The following CA10 variants were observed in gnomAD, a reference collection of about 807,000 sequenced individuals.
CA10 encodes carbonic anhydrase-related protein 10.
Under a neutral mutation model 44.2 loss-of-function variants are expected in CA10, and 14 were observed. That is an observed-to-expected ratio of 0.32 (90% CI 0.21 to 0.50). The LOEUF (loss-of-function observed/expected upper bound fraction) is 0.50, where lower values mean the gene tolerates loss of function less well. CA10 is among the 20% of genes least tolerant of loss of function. The pLI is 0.99. For missense variants in CA10, 350 were observed against 409.7 expected (o/e 0.85, Z 1.26); for synonymous variants, 159 against 141.6 (o/e 1.12, Z -0.87).
At chr17:51,963,613 T>C (rs189966207) in intron 2 of CA10, among the ~76,000 whole-genome samples, 76 of 152,292 alleles carry the variant, frequency 5.0e-4, no homozygotes, top group African/African-American at 1.7e-3. Context: ...GGTCTATTTT[T>C]AGCACTTTTA....
chr17:51,805,566 T>C (rs1273410637), intron 3 of CA10, among the ~76,000 whole-genome samples: 1 of 152,250 alleles, frequency 6.6e-6, no homozygotes, highest in Non-Finnish European at 1.5e-5. Flanking sequence ...AGGTCCAAGT[T>C]CTAGTATTTT....
chr17:51,721,880 G>A (rs921182492), intron 4 of CA10, among the ~76,000 whole-genome samples: 7 of 152,106 alleles, frequency 4.6e-5, no homozygotes, highest in South Asian at 2.1e-4. Context: ...GTTCCATGTC[G>A]CTGCTCCTGA....
intron 1 of CA10, among the ~76,000 whole-genome samples, chr17:52,123,393 T>TGTGTGTGA (rs1225624960): frequency 1.3e-5 from 2 of 151,516 alleles, no homozygotes; most frequent in Non-Finnish European, 2.9e-5. Context: ...TGTGTGTGTG[T>TGTGTGTGA]GTGACGTTTT....
At chr17:51,724,506 T>C (rs993158440) in intron 4 of CA10, among the ~76,000 whole-genome samples, 13 of 152,218 alleles carry the variant, frequency 8.5e-5, no homozygotes, top group Non-Finnish European at 2.9e-5. Context: ...TGAAAAGTTA[T>C]TCCTCACTCT....
intron 3 of CA10, among the ~76,000 whole-genome samples, chr17:51,863,924 T>C (rs1007808653): frequency 6.6e-6 from 1 of 152,214 alleles, no homozygotes; most frequent in Non-Finnish European, 1.5e-5. Flanking sequence ...TGAGGCTTAA[T>C]TGTGTCCACT....
At chr17:51,938,370 G>A (rs1298280628) in intron 2 of CA10, among the ~76,000 whole-genome samples, 2 of 152,086 alleles carry the variant, frequency 1.3e-5, no homozygotes, top group South Asian at 2.1e-4. Context: ...CCAGGCAGAA[G>A]GGTACAGGGA....
At chr17:51,955,875 C>T (rs557829537) in intron 2 of CA10, among the ~76,000 whole-genome samples, 1 of 151,768 alleles carries the variant, frequency 6.6e-6, no homozygotes, top group African/African-American at 2.4e-5. Flanking sequence ...ATACCTAATG[C>T]ATGCGGGGCT....
intron 3 of CA10, among the ~76,000 whole-genome samples, chr17:51,802,943 T>A (rs1339433798): frequency 6.6e-6 from 1 of 152,164 alleles, no homozygotes; most frequent in East Asian, 1.9e-4. Context: ...CTCGTTGACA[T>A]TAAGTGCGGA....
chr17:52,106,306 C>A (rs1444883815), intron 1 of CA10, among the ~76,000 whole-genome samples: 1 of 152,124 alleles, frequency 6.6e-6, no homozygotes, highest in African/African-American at 2.4e-5. Context: ...TAATCAAGAG[C>A]AGAACTGATT....
intron 5 of CA10, among the ~76,000 whole-genome samples, chr17:51,649,487 T>C (rs567272733): frequency 1.3e-5 from 2 of 152,170 alleles, no homozygotes; most frequent in Non-Finnish European, 2.9e-5. Context: ...AAGAGTGCTA[T>C]GATTGAGTCA....
chr17:52,112,656 A>C (rs1398058874), intron 1 of CA10, among the ~76,000 whole-genome samples: 1 of 152,212 alleles, frequency 6.6e-6, no homozygotes, highest in Non-Finnish European at 1.5e-5. Flanking sequence ...CTTAGGGTTG[A>C]TAGGAAGATT....
intron 2 of CA10, among the ~76,000 whole-genome samples, chr17:52,024,275 C>A (rs1048511781): frequency 1.3e-5 from 2 of 152,084 alleles, no homozygotes; most frequent in Admixed American, 1.3e-4. Flanking sequence ...ATAATCCTAG[C>A]CATAGACTGA....
chr17:51,890,702 G>A (rs757698756), intron 3 of CA10, among the ~76,000 whole-genome samples: 9 of 152,124 alleles, frequency 5.9e-5, no homozygotes, highest in South Asian at 2.1e-4. Flanking sequence ...TTTCAAACCC[G>A]TAAAAAATAT....
chr17:51,947,507 C>T (rs2144027632), intron 2 of CA10, among the ~76,000 whole-genome samples: 1 of 152,238 alleles, frequency 6.6e-6, no homozygotes, highest in East Asian at 1.9e-4. Context: ...AATTATTCTC[C>T]CAGCAAACAG....
chr17:51,772,070 A>AG (rs1385030248), intron 3 of CA10, among the ~76,000 whole-genome samples: 1 of 152,128 alleles, frequency 6.6e-6, no homozygotes, highest in Non-Finnish European at 1.5e-5. Context: ...GTCTCCTCCT[A>AG]CTTACTTTCC....
At chr17:52,015,237 G>T (rs1985931067) in intron 2 of CA10, among the ~76,000 whole-genome samples, 2 of 152,038 alleles carry the variant, frequency 1.3e-5, no homozygotes, top group African/African-American at 4.8e-5. Context: ...GACAATACTT[G>T]ATTATTTTTT....
At chr17:52,051,967 C>T (rs568032991) in intron 2 of CA10, among the ~76,000 whole-genome samples, 3 of 151,954 alleles carry the variant, frequency 2.0e-5, no homozygotes, top group South Asian at 2.1e-4. Flanking sequence ...AACAAGATCA[C>T]GTCCTTTGCA....
intron 3 of CA10, among the ~76,000 whole-genome samples, chr17:51,870,139 T>A (rs1979736765): frequency 6.6e-6 from 1 of 152,230 alleles, no homozygotes; most frequent in African/African-American, 2.4e-5. Flanking sequence ...CTTATAAGGA[T>A]GTTGACAGCC....
intron 2 of CA10, among the ~76,000 whole-genome samples, chr17:52,050,279 T>A (rs1387382709): frequency 6.6e-6 from 1 of 152,110 alleles, no homozygotes; most frequent in Admixed American, 6.6e-5. Context: ...TACATCAGTA[T>A]GTTCTGTAGA....
Sources: gnomAD v4.1 joint callset for allele counts (sites outside exome capture counted in the v4.1 genomes callset) on GRCh38, gnomAD v4.1.1 for gene constraint, MANE v1.5 for transcripts, NCBI Gene and HGNC (gene_info 2026-07-23, HGNC 2026-07-21) for gene names.